Variants in RP1 observed in about 807,000 individuals in gnomAD.
The protein encoded by RP1 is oxygen-regulated protein 1.
Under a neutral mutation model 14.8 loss-of-function variants are expected in RP1, and 16 were observed. The ratio of observed to expected loss-of-function variants is 1.08; its 90% CI spans 0.73 to 1.65. The LOEUF is 1.65. Ranked by LOEUF, RP1 falls within the 40% of genes most tolerant of loss-of-function variation. The pLI is 0.00. For missense variants in RP1, 2,631 were observed against 2,535.0 expected (o/e 1.04, Z -0.81); for synonymous variants, 876 against 883.6 (o/e 0.99, Z 0.15).
chr8:54,824,079 T>G (rs1811326089), intron 24 of RP1, among the ~76,000 whole-genome samples: 1 of 152,192 alleles, frequency 6.6e-6, no homozygotes, highest in South Asian at 2.1e-4. Context: ...ATACATCCTC[T>G]TTGGTAAAAT....
rs1472013734 is a variant in RP1, at chr8:54,626,403, G to A, written c.2521G>A (p.Glu841Lys). 1.3e-5 allele frequency: 21 copies of A among 1,613,430 alleles called. No homozygotes were observed. The highest frequency in any genetic ancestry group is 1.7e-5 in the Non-Finnish European group (20 of 1,179,864). Residue 841 changes from glutamate to lysine, a missense_variant, in exon 4 of 4, where the codon GAA becomes AAA. Glu to Lys is a moderately conservative substitution (Grantham distance 56, BLOSUM62 1). Coordinates refer to ENST00000220676, the MANE Select transcript of RP1 (RefSeq NM_006269.2). ...KDFYAPQSQA[E>K]VASGYLRGMA... ...TTTTTATGCACCGCAATCTCAAGCA[G>A]AAGTGGCATCTGGGTATTTGAGAGG...
chr8:54,807,670 CTATCT>C (rs534717495), intron 24 of RP1, among the ~76,000 whole-genome samples: 8,876 of 67,914 alleles, frequency 0.13, 359 homozygotes, highest in African/African-American at 0.34. Context: ...ATCTATCTAT[CTATCT>C]ATTTATCTAT....
chr8:54,626,871 A>T lies in RP1; in HGVS notation c.2989A>T (p.Asn997Tyr). ...AGAGGGAGATAAGTCTTTTATTGCCAATGACACTGGTGAAGAAGATCTCCA... is the reference window on the plus strand; with the variant it reads ...AGAGGGAGATAAGTCTTTTATTGCCTATGACACTGGTGAAGAAGATCTCCA... ...CKEGDKSFIANDTGEEDLHET... is the reference protein window; with the variant it reads ...CKEGDKSFIAYDTGEEDLHET... The change falls in exon 4 of 4, where the codon AAT becomes TAT. Residue 997 changes from asparagine (N) to tyrosine (Y), a missense_variant. Transcript: ENST00000220676. 1 of 1,613,860 alleles carries T rather than the reference A, an allele frequency of 6.2e-7. No individual in the cohort carries two copies.
In RP1 at chr8:54,693,089, G is replaced by T. The variant is rs186764874; in HGVS notation, c.1718-6378G>T. On this transcript the variant is annotated intron_variant, in intron 12 of 22. Transcript: ENST00000636932. ...TTAAATAGGGAATCCTTTCCCCATT[G>T]CTTGTTTTTGTCAGGTTTGTCAAAG... 6.7e-3 allele frequency among the ~76,000 whole-genome samples: 1,018 copies of T among 152,194 alleles called. 7 individuals are homozygous for T. The highest frequency in any genetic ancestry group is 0.02 in the African/African-American group (828 of 41,530).
downstream of RP1, among the ~76,000 whole-genome samples, chr8:54,631,845 A>ATT (rs36032942): frequency 0.014 from 1,982 of 146,122 alleles, 47 homozygotes; most frequent in African/African-American, 0.047. Context: ...AAGGGATAAG[A>ATT]TTTTTTTTTT....
intron 6 of RP1, among the ~76,000 whole-genome samples, chr8:54,661,367 T>C (rs964601806): frequency 2.0e-5 from 3 of 149,872 alleles, no homozygotes; most frequent in Non-Finnish European, 4.4e-5. Flanking sequence ...TAGTCCCAGC[T>C]AGTCAGGAGC....
intron 5 of RP1, among the ~76,000 whole-genome samples, chr8:54,655,587 C>G (rs1029269342): frequency 2.0e-5 from 3 of 152,054 alleles, no homozygotes; most frequent in African/African-American, 7.2e-5. Flanking sequence ...AAGTTAATTT[C>G]TAAGAAGTTG....
chr8:54,569,817 A>G (rs1373215887), intron 1 of RP1, among the ~76,000 whole-genome samples: 1 of 152,188 alleles, frequency 6.6e-6, no homozygotes, highest in Non-Finnish European at 1.5e-5. Context: ...TTACTACATC[A>G]TCACAGACGA....
intron 1 of RP1, among the ~76,000 whole-genome samples, chr8:54,562,598 C>T (rs971352958): frequency 5.9e-5 from 9 of 151,666 alleles, no homozygotes; most frequent in South Asian, 2.1e-4. Context: ...CGATTGAACC[C>T]GGGAGGCAGA....
intron 21 of RP1, among the ~76,000 whole-genome samples, chr8:54,756,307 T>C (rs1809502772): frequency 6.6e-6 from 1 of 152,210 alleles, no homozygotes; most frequent in Non-Finnish European, 1.5e-5. Flanking sequence ...ATTGTTAATG[T>C]TATTTTGTTG....
intron 3 of RP1, among the ~76,000 whole-genome samples, chr8:54,638,154 A>C (rs2129321448): frequency 6.6e-6 from 1 of 152,280 alleles, no homozygotes; most frequent in South Asian, 2.1e-4. Context: ...GTTTATAATA[A>C]GGGGTGCATG....
chr8:54,627,499 T>C lies in RP1; in HGVS notation c.3617T>C (p.Ile1206Thr), dbSNP rs1176817346. The change falls in exon 4 of 4, where the codon ATA (isoleucine) becomes ACA (threonine). Residue 1206 changes from isoleucine to threonine, a missense_variant. Coordinates refer to ENST00000220676, the MANE Select transcript of RP1 (RefSeq NM_006269.2). ...LSEKEQDMVP[I>T]DLSANCSTVN... is the part of the protein sequence containing the mutation. Reference sequence around the variant, plus strand: ...GAGAAAGAACAAGACATGGTTCCAATAGATCTTTCTGCAAATTGTTCCACG... The same window carrying C: ...GAGAAAGAACAAGACATGGTTCCAACAGATCTTTCTGCAAATTGTTCCACG... 2 of 1,614,144 alleles carry C rather than the reference T, an allele frequency of 1.2e-6. No individual in the cohort carries two copies. The highest frequency in any genetic ancestry group is 1.3e-5 in the African/African-American group (1 of 75,060).
At chr8:54,668,479 C>T (rs1440716976) in intron 7 of RP1, among the ~76,000 whole-genome samples, 2 of 152,080 alleles carry the variant, frequency 1.3e-5, no homozygotes, top group Non-Finnish European at 2.9e-5. Context: ...CAATGCCATC[C>T]CCATCAAGCT....
In RP1 at chr8:54,628,431, GA is replaced by G. The variant is rs794727640; in HGVS notation, c.4555del (p.Arg1519GlufsTer2). On this transcript the variant is annotated frameshift_variant, in exon 4 of 4. Transcript: ENST00000220676. LOFTEE classifies it low-confidence loss of function (END_TRUNC). Reference sequence around the variant, plus strand: ...CATCTCTAGTAAGAATATTATGGAAGAAAAAAGAATGAACGGTATAATTTAT... The same window carrying G: ...CATCTCTAGTAAGAATATTATGGAAGAAAAAGAATGAACGGTATAATTTAT... Reference protein sequence around the residue: ...IDISSKNIMEEKRMNGIIYEI... With the variant: ...IDISSKNIMEXKRMNGIIYEI... 3.7e-6 allele frequency: 6 copies of G among 1,612,844 alleles called. No homozygotes were observed. In the South Asian group the frequency reaches 5.5e-5, roughly 15 times the overall value.
chr8:54,855,692 G>A (rs1306297384), intron 26 of RP1, among the ~76,000 whole-genome samples: 5 of 152,100 alleles, frequency 3.3e-5, no homozygotes, highest in African/African-American at 9.7e-5. Flanking sequence ...ACACTTGAAT[G>A]TGTGCTCTAC....
chr8:54,862,181 G>A (rs1242295547), intron 27 of RP1, among the ~76,000 whole-genome samples: 1 of 152,188 alleles, frequency 6.6e-6, no homozygotes, highest in Non-Finnish European at 1.5e-5. Context: ...ATCCGTAGAA[G>A]TCAGTTGCTA....
At position 54,629,914 on chromosome 8, in the gene RP1, ACTT is replaced by A; in HGVS notation, c.6036_6038del (p.Phe2012del). The stretch of plus-strand genomic sequence containing the variant: ...AAAAGAAGAAAACAAAAAAGAATTA[ACTT>A]CTTGGGGTTAGAGGAAGAAGGTAAT... On this transcript the variant is annotated inframe_deletion, in exon 4 of 4. Coordinates refer to ENST00000220676, the MANE Select transcript of RP1 (RefSeq NM_006269.2). 1 of 1,613,918 alleles carries A rather than the reference ACTT, an allele frequency of 6.2e-7. No homozygotes were observed. Among genetic ancestry groups the A allele is most frequent in the Non-Finnish European group, 8.5e-7 (1 of 1,179,904 alleles).
intron 1 of RP1, chr8:54,559,350 G>T (rs1446316823): frequency 6.6e-6 from 1 of 152,106 alleles, no homozygotes; most frequent in African/African-American, 2.4e-5. Flanking sequence ...TTTTCTCCTT[G>T]CCTGTTTTAT....
chr8:54,779,876 T>G (rs1810139797), intron 23 of RP1, among the ~76,000 whole-genome samples: 1 of 152,342 alleles, frequency 6.6e-6, no homozygotes, highest in South Asian at 2.1e-4. Flanking sequence ...AGCCCTTATC[T>G]GTGAAATGCT....
Sources: allele counts gnomAD v4.1 joint callset (sites outside exome capture counted in the v4.1 genomes callset), GRCh38; gene constraint gnomAD v4.1.1; transcripts MANE v1.5; gene names NCBI Gene and HGNC (gene_info 2026-07-23, HGNC 2026-07-21).